Variants in RFX3 observed in about 807,000 individuals in gnomAD.
RFX3 encodes transcription factor RFX3.
In RFX3, 14 loss-of-function variants were observed where a neutral mutation model predicts 98.6. The ratio of observed to expected loss-of-function variants is 0.14; its 90% CI spans 0.09 to 0.22. The LOEUF is 0.22. Ranked by LOEUF, RFX3 falls within the 10% of genes least tolerant of loss-of-function variation. The pLI, the probability that RFX3 is intolerant of heterozygous loss-of-function variation, is 1.00. For synonymous variants in RFX3, 383 were observed against 328.4 expected, an observed-to-expected ratio of 1.17 and a Z score of -1.80; for missense variants, 639 against 926.9, an observed-to-expected ratio of 0.69 and a Z score of 4.03.
chr9:3,231,727 A>G (rs984316927), intron 15 of RFX3, among the ~76,000 whole-genome samples: 2 of 152,216 alleles, frequency 1.3e-5, no homozygotes, highest in African/African-American at 4.8e-5. Context: ...AAATAGTACC[A>G]TAGATAGGGG....
chr9:3,242,110 G>A (rs564498209), intron 15 of RFX3, among the ~76,000 whole-genome samples: 16 of 152,250 alleles, frequency 1.1e-4, no homozygotes, highest in African/African-American at 3.6e-4. Context: ...TATTTGAAGT[G>A]AGGCAGTCCT....
intron 1 of RFX3, among the ~76,000 whole-genome samples, chr9:3,477,871 T>C (rs1209428029): frequency 1.3e-5 from 2 of 152,226 alleles, no homozygotes; most frequent in Non-Finnish European, 2.9e-5. Context: ...CAATCTCTAT[T>C]GACCTAACTT....
chr9:3,245,706 T>C (rs1194903047), intron 15 of RFX3, among the ~76,000 whole-genome samples: 1 of 152,232 alleles, frequency 6.6e-6, no homozygotes, highest in Non-Finnish European at 1.5e-5. Flanking sequence ...ATTAAGTATA[T>C]AATATGCTCT....
At chr9:3,401,166 C>T (rs765106840) in intron 1 of RFX3, among the ~76,000 whole-genome samples, 2 of 152,158 alleles carry the variant, frequency 1.3e-5, no homozygotes, top group Non-Finnish European at 2.9e-5. Flanking sequence ...CCAACTAATA[C>T]GTATTTTTCC....
intron 4 of RFX3, among the ~76,000 whole-genome samples, chr9:3,303,325 C>CT (rs914580814): frequency 1.3e-5 from 2 of 151,156 alleles, no homozygotes; most frequent in East Asian, 1.9e-4. Flanking sequence ...TCAATAAGTG[C>CT]TTTTTTTTCA....
At chr9:3,383,474 C>T (rs1032589507) in intron 2 of RFX3, among the ~76,000 whole-genome samples, 1 of 151,866 alleles carries the variant, frequency 6.6e-6, no homozygotes, top group Non-Finnish European at 1.5e-5. Context: ...TTTAATTCAT[C>T]TGACTGCTTT....
Position 3,247,992 on chromosome 9 carries a change from T to C in RFX3, c.1968+40A>G, listed in dbSNP as rs1393527862. Reference sequence around the variant, plus strand: ...CTGAAGTGTAATTCTGGCTTATTTTTAATAACCCAGTGGGTCACAGCTCTT... The same window carrying C: ...CTGAAGTGTAATTCTGGCTTATTTTCAATAACCCAGTGGGTCACAGCTCTT... On this transcript the variant is annotated intron_variant, in intron 15 of 16. Coordinates refer to ENST00000617270, the MANE Select transcript of RFX3 (RefSeq NM_001282116.2). 4 of 1,614,052 alleles carry C rather than the reference T, an allele frequency of 2.5e-6. No individual in the cohort carries two copies. The South Asian group carries it at 4.4e-5, about 18-fold the overall frequency.
At chr9:3,427,311 CATA>C (rs201810796) in intron 1 of RFX3, among the ~76,000 whole-genome samples, 1,554 of 137,410 alleles carry the variant, frequency 0.011, 27 homozygotes, top group African/African-American at 0.038. Context: ...TATTGTATTA[CATA>C]ATAATACAAT....
At chr9:3,248,006 G>C (rs1326084476) in intron 15 of RFX3, 26 bp downstream of exon 15, 2 of 1,613,972 alleles carry the variant, frequency 1.2e-6, no homozygotes, top group Admixed American at 3.3e-5. Flanking sequence ...AACCCAGTGG[G>C]TCACAGCTCT....
At chr9:3,403,728 T>C (rs909816873) in intron 1 of RFX3, among the ~76,000 whole-genome samples, 2 of 152,132 alleles carry the variant, frequency 1.3e-5, no homozygotes, top group Non-Finnish European at 2.9e-5. Flanking sequence ...GCCAAACTGC[T>C]GGAAAGACAT....
chr9:3,340,275 T>A (rs1253226646), intron 3 of RFX3, among the ~76,000 whole-genome samples: 1 of 152,152 alleles, frequency 6.6e-6, no homozygotes, highest in East Asian at 1.9e-4. Context: ...AAGACTTAAA[T>A]GTTAGACCTA....
Position 3,263,094 on chromosome 9 carries a change from A to G in RFX3, c.1456-10T>C. On this transcript the variant is annotated splice_polypyrimidine_tract_variant and intron_variant, in intron 12 of 16. Transcript: ENST00000617270. ...CACTTACAGCGGCAACCTGTAACGC[A>G]ATCCAATTAAGTTGGGATTCTGTTT... 6.2e-7 allele frequency: 1 copy of G among 1,610,720 alleles called. No homozygotes were observed.
chr9:3,479,721 G>C (rs1227544046), intron 1 of RFX3, among the ~76,000 whole-genome samples: 1 of 152,172 alleles, frequency 6.6e-6, no homozygotes, highest in East Asian at 1.9e-4. Flanking sequence ...GCTGACTGAG[G>C]CCAAAACCAA....
chr9:3,299,814 T>C (rs1049030483), intron 5 of RFX3, among the ~76,000 whole-genome samples: 2 of 151,824 alleles, frequency 1.3e-5, no homozygotes, highest in African/African-American at 4.8e-5. Context: ...TTTTAAAATA[T>C]ATAAGAAACA....
At chr9:3,408,921 G>A (rs939618524) in intron 1 of RFX3, among the ~76,000 whole-genome samples, 1 of 152,102 alleles carries the variant, frequency 6.6e-6, no homozygotes, top group South Asian at 2.1e-4. Context: ...TTTGCCAAAT[G>A]GCCAATTTGA....
chr9:3,453,992 A>G (rs1266023363), intron 1 of RFX3, among the ~76,000 whole-genome samples: 2 of 152,204 alleles, frequency 1.3e-5, no homozygotes, highest in African/African-American at 4.8e-5. Context: ...AAATAATTTT[A>G]GTAAAAATAC....
At chr9:3,488,807 G>A (rs1377120105) in intron 1 of RFX3, 1 of 985,206 alleles carries the variant, frequency 1.0e-6, no homozygotes, top group Non-Finnish European at 1.2e-6. Flanking sequence ...GGAGGTTACA[G>A]CTTCAGCTTA....
intron 1 of RFX3, among the ~76,000 whole-genome samples, chr9:3,470,781 T>A (rs2133214899): frequency 6.6e-6 from 1 of 152,356 alleles, no homozygotes; most frequent in East Asian, 1.9e-4. Context: ...TCTATGCATA[T>A]AAACAGAGTA....
chr9:3,404,843 A>G (rs756457921), intron 1 of RFX3, among the ~76,000 whole-genome samples: 8 of 152,162 alleles, frequency 5.3e-5, no homozygotes, highest in Non-Finnish European at 2.9e-5. Flanking sequence ...GTAACATCCC[A>G]ATCACTTCTT....
Sources: gnomAD v4.1 joint callset for allele counts (sites outside exome capture counted in the v4.1 genomes callset) on GRCh38, gnomAD v4.1.1 for gene constraint, MANE v1.5 for transcripts, NCBI Gene and HGNC (gene_info 2026-07-23, HGNC 2026-07-21) for gene names.